Variants in PNPLA3 observed in about 807,000 individuals in gnomAD.
The protein encoded by PNPLA3 is patatin like domain 3, 1-acylglycerol-3-phosphate O-acyltransferase, also known as 1-acylglycerol-3-phosphate O-acyltransferase PNPLA3.
A neutral mutation model predicts 43.1 loss-of-function variants in PNPLA3; 42 were observed. The ratio of observed to expected loss-of-function variants is 0.97; its 90% confidence interval spans 0.76 to 1.26. The LOEUF (loss-of-function observed/expected upper bound fraction) is 1.26. PNPLA3 is among the 50% of genes most tolerant of loss of function. The pLI, the probability that PNPLA3 is intolerant of heterozygous loss-of-function variation, is 0.00. For synonymous variants in PNPLA3, 272 were observed against 253.6 expected (o/e 1.07, Z -0.69); for missense variants, 647 against 621.4 (o/e 1.04, Z -0.44).
chr22:43,933,853 G>C (rs1166268988), intron 4 of PNPLA3, among the ~76,000 whole-genome samples: 1 of 152,218 alleles, frequency 6.6e-6, no homozygotes, highest in African/African-American at 2.4e-5. Flanking sequence ...GCAATGCAAT[G>C]CATGCTCACA....
chr22:43,928,887 G>A lies in PNPLA3; in HGVS notation c.484G>A (p.Val162Met), dbSNP rs141106484. Reference protein sequence around the residue: ...SGLIPPSFRGVRYVDGGVSDN... With the variant: ...SGLIPPSFRGMRYVDGGVSDN... ...CCTTATCCCTCCTTCCTTCAGAGGC[G>A]TGGTAAGTCGGCTTTCTCTGCTAGC... is the stretch of plus-strand genomic sequence containing the variant. The change falls in exon 3 of 9, where the codon GTG becomes ATG. Residue 162 changes from valine (V) to methionine (M), a missense_variant and splice_region_variant. Transcript: ENST00000216180. The A allele has an allele frequency of 1.8e-3, 2,926 of 1,610,196 alleles. 14 individuals carry two copies. The highest frequency in any genetic ancestry group is 4.1e-3 in the South Asian group (372 of 90,994).
chr22:43,926,881 G>C, intron 1 of PNPLA3, 54 bp from the exon 2 acceptor site: 1 of 1,513,682 alleles, frequency 6.6e-7, no homozygotes. Context: ...CTTGCCAAAA[G>C]TATTACCATC....
chr22:43,924,623 C>T (rs1232026280), intron 1 of PNPLA3, among the ~76,000 whole-genome samples: 1 of 152,012 alleles, frequency 6.6e-6, no homozygotes, highest in Non-Finnish European at 1.5e-5. Context: ...TCAAGACACC[C>T]CGCGCCTGCG....
chr22:43,945,120 G>A (rs1292350043), intron 8 of PNPLA3, among the ~76,000 whole-genome samples: 1 of 152,236 alleles, frequency 6.6e-6, no homozygotes, highest in Non-Finnish European at 1.5e-5. Flanking sequence ...CTGGGATGAG[G>A]ACTGGGGAGT....
intron 4 of PNPLA3, among the ~76,000 whole-genome samples, chr22:43,934,333 A>AAG (rs1555885727): frequency 1.3e-5 from 2 of 149,070 alleles, no homozygotes; most frequent in African/African-American, 4.9e-5. Context: ...AAAAAAAAAA[A>AAG]AAAGAAAAGT....
intron 5 of PNPLA3, among the ~76,000 whole-genome samples, chr22:43,935,916 G>T (rs1443929131): frequency 6.6e-6 from 1 of 152,158 alleles, no homozygotes; most frequent in Non-Finnish European, 1.5e-5. Context: ...CAGTGTCTAG[G>T]AGGCCAGTGA....
chr22:43,940,245 C>T, intron 7 of PNPLA3, 120 bp downstream of exon 7: 1 of 1,229,566 alleles, frequency 8.1e-7, no homozygotes, highest in Non-Finnish European at 1.1e-6. Context: ...GATCACAGCT[C>T]ACAGTCTATG....
intron 6 of PNPLA3, among the ~76,000 whole-genome samples, chr22:43,937,964 G>T (rs994480755): frequency 6.6e-6 from 1 of 152,160 alleles, no homozygotes; most frequent in Non-Finnish European, 1.5e-5. Context: ...TGAGGAAAGG[G>T]CTGTCATGAA....
chr22:43,945,301 C>T (rs980372739), intron 8 of PNPLA3, among the ~76,000 whole-genome samples: 1 of 152,144 alleles, frequency 6.6e-6, no homozygotes, highest in Admixed American at 6.5e-5. Flanking sequence ...TCACAGTCTC[C>T]GGGGTGAAGC....
chr22:43,945,400 T>C (rs147979913), intron 8 of PNPLA3, among the ~76,000 whole-genome samples: 1 of 152,242 alleles, frequency 6.6e-6, no homozygotes, highest in East Asian at 1.9e-4. Flanking sequence ...AGGGCCTGGC[T>C]CCCATTACCA....
chr22:43,924,335 G>T, intron 1 of PNPLA3: 2 of 518,802 alleles, frequency 3.9e-6, no homozygotes, highest in Non-Finnish European at 6.6e-6. Context: ...TGGGACTCTC[G>T]TGCGTCCCCA....
chr22:43,926,683 C>T (rs1408324563), intron 1 of PNPLA3, among the ~76,000 whole-genome samples: 2 of 148,052 alleles, frequency 1.4e-5, no homozygotes, highest in Non-Finnish European at 3.0e-5. Context: ...ATCATTTTCA[C>T]ATCTATTCAA....
intron 7 of PNPLA3, among the ~76,000 whole-genome samples, chr22:43,940,913 G>T (rs527783485): frequency 6.6e-6 from 1 of 151,634 alleles, no homozygotes. Flanking sequence ...GGCCGAGGTG[G>T]GTGGATAATG....
At position 43,946,845 on chromosome 22, in the gene PNPLA3, C is replaced by T. The variant is rs1189599068; in HGVS notation, c.*463C>T. ...GGGTGCAGTTCGTCCCCAAGAACGA[C>T]ACTGCCTGTCAGGTGGTCTGCAAAG... On this transcript the variant is annotated 3_prime_UTR_variant, in exon 9 of 9. Coordinates refer to ENST00000216180, the MANE Select transcript of PNPLA3 (RefSeq NM_025225.3). 1 of 440,248 alleles carries T rather than the reference C, an allele frequency of 2.3e-6. No individual in the cohort carries two copies. Among genetic ancestry groups the T allele is most frequent in the Non-Finnish European group, 4.5e-6 (1 of 222,700 alleles). The allele number at this position is 440,248 out of a possible 1,614,324, so 27.3% of individuals were successfully genotyped here.
intron 1 of PNPLA3, among the ~76,000 whole-genome samples, chr22:43,925,412 A>G (rs1241608906): frequency 1.3e-5 from 2 of 152,124 alleles, no homozygotes; most frequent in Non-Finnish European, 2.9e-5. Context: ...GCCAGTAGGC[A>G]GGGGCTGGGG....
Position 43,940,095 on chromosome 22 carries a change from C to T in PNPLA3, c.1082C>T (p.Pro361Leu), listed in dbSNP as rs373663693. 6.2e-7 allele frequency: 1 copy of T among 1,614,178 alleles called. No individual in the cohort carries two copies. The highest frequency in any genetic ancestry group is 8.5e-7 in the Non-Finnish European group (1 of 1,180,020). The change falls in exon 7 of 9, where the codon CCT (proline) becomes CTT (leucine). Residue 361 changes from proline to leucine, a missense_variant. Pro to Leu is a moderately conservative substitution (Grantham distance 98). Coordinates refer to ENST00000216180, the MANE Select transcript of PNPLA3 (RefSeq NM_025225.3). ...MSYVMLPCTL[P>L]VESAIAIVQR... Reference sequence around the variant, plus strand: ...TATGTAATGCTGCCCTGTACCCTGCCTGTGGAATCTGCCATTGCGATTGTC... The same window carrying T: ...TATGTAATGCTGCCCTGTACCCTGCTTGTGGAATCTGCCATTGCGATTGTC...
chr22:43,926,877 A>G (rs2049926200), intron 1 of PNPLA3, 58 bp from the exon 2 acceptor site: 7 of 1,505,924 alleles, frequency 4.6e-6, no homozygotes, highest in African/African-American at 2.8e-5. Flanking sequence ...TGGCCTTGCC[A>G]AAAGTATTAC....
Position 43,926,949 on chromosome 22 carries a change from G to A in PNPLA3, c.202G>A (p.Val68Ile), listed in dbSNP as rs1340797251. 1.2e-6 allele frequency: 2 copies of A among 1,614,154 alleles called. No homozygotes were observed. Among genetic ancestry groups the A allele is most frequent in the South Asian group, 1.1e-5 (1 of 91,076 alleles). Reference sequence around the variant, plus strand: ...CCTGTCCCCAGAGCAGACTCTGCAGGTCCTCTCAGATCTTGTGCGGAAGGC... The same window carrying A: ...CCTGTCCCCAGAGCAGACTCTGCAGATCCTCTCAGATCTTGTGCGGAAGGC... ...SGIPLEQTLQ[V>I]LSDLVRKARS... Residue 68 changes from valine (V) to isoleucine (I), a missense_variant, in exon 2 of 9, where the codon GTC (valine) becomes ATC (isoleucine). By Grantham distance (29) the Val-to-Ile change is conservative. Transcript: ENST00000216180.
intron 7 of PNPLA3, among the ~76,000 whole-genome samples, chr22:43,944,445 G>T (rs1332406822): frequency 6.6e-6 from 1 of 152,194 alleles, no homozygotes. Context: ...GCCCTGAAAA[G>T]CCAAGGTGTT....
Sources: allele counts gnomAD v4.1 joint callset (sites outside exome capture counted in the v4.1 genomes callset), GRCh38; gene constraint gnomAD v4.1.1; transcripts MANE v1.5; gene names NCBI Gene and HGNC (gene_info 2026-07-23, HGNC 2026-07-21).